EIF2B5: variants seen among roughly 807,000 people sequenced by gnomAD.
EIF2B5 encodes the protein eukaryotic translation initiation factor 2B subunit epsilon, also known as translation initiation factor eIF2B subunit epsilon.
Under a neutral mutation model 87.3 loss-of-function variants are expected in EIF2B5, and 38 were observed. The observed-to-expected ratio is 0.44, with a 90% CI of 0.34 to 0.57. EIF2B5 has a LOEUF of 0.57. EIF2B5 is among the 20% of genes least tolerant of loss of function. The probability of loss-of-function intolerance (pLI) is 0.02; values close to 1 mark genes in which losing one functional copy is unlikely to be tolerated. For synonymous variants in EIF2B5, 313 were observed against 339.6 expected (o/e 0.92, Z 0.86); for missense variants, 784 against 909.5 (o/e 0.86, Z 1.78).
chr3:184,135,665 A>G, intron 1 of EIF2B5, 85 bp downstream of exon 1: 5 of 1,518,400 alleles, frequency 3.3e-6, no homozygotes, highest in Admixed American at 2.0e-5. Context: ...CTACAACAGC[A>G]TGCCCTTGAA....
At chr3:184,143,263 A>G in intron 12 of EIF2B5, 121 bp downstream of exon 12, 1 of 1,455,034 alleles carries the variant, frequency 6.9e-7, no homozygotes, top group Non-Finnish European at 9.5e-7. Flanking sequence ...AAAGACCAGT[A>G]GTATTTGGAG....
Position 184,140,149 on chromosome 3 carries a change from A to T in EIF2B5, c.835A>T (p.Asn279Tyr). ...RDDFVRGLLVNEEILGNQIHM... is the reference protein window; with the variant it reads ...RDDFVRGLLVYEEILGNQIHM... ...TGACTTTGTGCGAGGTCTCTTAGTGAATGAGGAGGTGAGAAAAGTCTTCCA... is the reference window on the plus strand; with the variant it reads ...TGACTTTGTGCGAGGTCTCTTAGTGTATGAGGAGGTGAGAAAAGTCTTCCA... The change falls in exon 6 of 16, where the codon AAT becomes TAT. Residue 279 changes from asparagine to tyrosine, a missense_variant. This residue lies in a region of EIF2B5 where 660 missense variants were observed against 789.5 expected (regional missense o/e 0.84). Transcript: ENST00000648915. 6.2e-7 allele frequency: 1 copy of T among 1,613,858 alleles called. No homozygotes were observed. Among genetic ancestry groups the T allele is most frequent in the Non-Finnish European group, 8.5e-7 (1 of 1,179,796 alleles).
chr3:184,141,295 G>A (rs973258468), intron 7 of EIF2B5, among the ~76,000 whole-genome samples: 5 of 152,188 alleles, frequency 3.3e-5, no homozygotes, highest in South Asian at 2.1e-4. Context: ...GGGGCTGAGC[G>A]TGGTGGCTCA....
rs1184579792 is a variant in EIF2B5 at position 184,144,901 on chromosome 3, G to C, written c.2124G>C (p.Gln708His). Residue 708 changes from glutamine to histidine, a missense_variant, in exon 16 of 16, where the codon CAG becomes CAC. This residue lies in a region of EIF2B5 where 660 missense variants were observed against 789.5 expected (regional missense o/e 0.84). Transcript: ENST00000648915. ...CTTTACAGCTGCAGAGGTTCATCCA[G>C]TGGCTAAAAGAGGCAGAAGAGGAGT... is the stretch of plus-strand genomic sequence containing the variant. ...RKNQQLQRFI[Q>H]WLKEAEEESS... 1 of 1,613,766 alleles carries C rather than the reference G, an allele frequency of 6.2e-7. No individual in the cohort carries two copies. The highest frequency in any genetic ancestry group is 8.5e-7 in the Non-Finnish European group (1 of 1,180,010).
chr3:184,140,173 C>T lies in EIF2B5; in HGVS notation c.843+16C>T. The stretch of plus-strand genomic sequence containing the variant: ...GAATGAGGAGGTGAGAAAAGTCTTC[C>T]AATGCCTCTTTAGGAGAGAGGAGAA... On this transcript the variant is annotated intron_variant, in intron 6 of 15. Coordinates refer to ENST00000648915, the MANE Select transcript of EIF2B5 (RefSeq NM_003907.3). The T allele has an allele frequency of 6.2e-7, 1 of 1,607,382 alleles. No homozygotes were observed. The highest frequency in any genetic ancestry group is 1.7e-5 in the Admixed American group (1 of 59,994).
Position 184,144,141 on chromosome 3 carries a change from C to G in EIF2B5, c.1912C>G (p.Arg638Gly), listed in dbSNP as rs541227484. 1.3e-5 allele frequency: 21 copies of G among 1,614,198 alleles called. No individual in the cohort carries two copies. In the South Asian group the frequency reaches 2.1e-4, roughly 16 times the overall value. ...CCCTGTTTTTAGGAACTACATAAAG[C>G]GCGCAGCCGACCATTTGGAAGCGTT... is the stretch of plus-strand genomic sequence containing the variant. ...WSPVFRNYIK[R>G]AADHLEALAA... The change falls in exon 14 of 16, where the codon CGC becomes GGC. Residue 638 changes from arginine (R) to glycine (G), a missense_variant. By Grantham distance (125) the Arg-to-Gly change is moderately radical. Around this residue, in one of 3 missense-constraint regions of EIF2B5, gnomAD observed 660 missense variants for 789.5 expected, o/e 0.84. Coordinates refer to ENST00000648915, the MANE Select transcript of EIF2B5 (RefSeq NM_003907.3).
intron 5 of EIF2B5, among the ~76,000 whole-genome samples, chr3:184,139,580 CT>C (rs752302833): frequency 2.1e-3 from 295 of 140,410 alleles, no homozygotes; most frequent in Middle Eastern, 3.7e-3. Context: ...TGCACCTGGC[CT>C]TTTTTTTTTT....
At position 184,143,047 on chromosome 3, in the gene EIF2B5, T is replaced by C; in HGVS notation, c.1655-5T>C. ...CCCATGAACTTATCCTTGCTTTGATTTCAGTGTTCCAGAATGAAGTTTTAG... is the reference window on the plus strand; with the variant it reads ...CCCATGAACTTATCCTTGCTTTGATCTCAGTGTTCCAGAATGAAGTTTTAG... On this transcript the variant is annotated splice_region_variant and splice_polypyrimidine_tract_variant and intron_variant, in intron 11 of 15. Transcript: ENST00000648915. 1 of 1,613,048 alleles carries C rather than the reference T, an allele frequency of 6.2e-7. No homozygotes were observed. The highest frequency in any genetic ancestry group is 8.5e-7 in the Non-Finnish European group (1 of 1,179,574).
rs544661181 is a variant in EIF2B5 at position 184,140,316 on chromosome 3, A to T, written c.844-102A>T. ...GTACACAAAGAAGAATCTTTGTGGC[A>T]GTGAGAGGCAGAGGGGAACTTAAAA... On this transcript the variant is annotated intron_variant, in intron 6 of 15. Coordinates refer to ENST00000648915, the MANE Select transcript of EIF2B5 (RefSeq NM_003907.3). 2.1e-5 allele frequency: 30 copies of T among 1,428,742 alleles called. No individual in the cohort carries two copies. The African/African-American group carries it at 4.1e-4, about 19-fold the overall frequency. 88.5% of individuals were successfully genotyped at this position (1,428,742 alleles called of 1,614,324 possible).
chr3:184,138,470 C>T (rs984055170), intron 5 of EIF2B5, among the ~76,000 whole-genome samples: 6 of 151,996 alleles, frequency 3.9e-5, no homozygotes, highest in African/African-American at 1.4e-4. Flanking sequence ...GATTCTCCTG[C>T]CTCAGCCTCC....
chr3:184,142,034 A>G lies in EIF2B5; in HGVS notation c.1266A>G (p.Arg422=), dbSNP rs2109010236. ...LLCDNAEVKE[R]VTLKPRSVLT... ...GTGACAATGCTGAGGTCAAGGAACG[A>G]GTGACACTGAAACCACGCTCTGTCC... The change falls in exon 8 of 16, where the codon CGA becomes CGG. Residue 422 remains arginine (R), a synonymous_variant. Coordinates refer to ENST00000648915, the MANE Select transcript of EIF2B5 (RefSeq NM_003907.3). The surrounding 1 kb of genome is among the most constrained non-coding windows in gnomAD (Gnocchi z 5.0). 1.2e-6 allele frequency: 2 copies of G among 1,614,178 alleles called. No individual in the cohort carries two copies. Among genetic ancestry groups the G allele is most frequent in the South Asian group, 1.1e-5 (1 of 91,078 alleles).
intron 15 of EIF2B5, 62 bp downstream of exon 15, chr3:184,144,769 G>C (rs1450832911): frequency 6.3e-7 from 1 of 1,586,488 alleles, no homozygotes; most frequent in Non-Finnish European, 8.6e-7. Context: ...CTGGCCCCTA[G>C]ACTCTAGGGT....
In EIF2B5 at chr3:184,143,514, A is replaced by G; in HGVS notation, c.1818A>G (p.Gln606=). ...ACGTGGTCCTGGAGTTCCCCCTGCA[A>G]CAGATGGATTCCCCGCTTGACTCAA... ...LSHVVLEFPL[Q]QMDSPLDSSR... is the part of the protein sequence containing the mutation. The change falls in exon 13 of 16, where the codon CAA becomes CAG. Residue 606 remains glutamine, a synonymous_variant. Transcript: ENST00000648915. The G allele has an allele frequency of 1.9e-5, 31 of 1,614,158 alleles. No individual in the cohort carries two copies. Among genetic ancestry groups the G allele is most frequent in the Non-Finnish European group, 2.5e-5 (30 of 1,180,022 alleles).
Position 184,140,205 on chromosome 3 carries a change from G to C in EIF2B5, c.843+48G>C, listed in dbSNP as rs780083016. 3 of 1,562,906 alleles carry C rather than the reference G, an allele frequency of 1.9e-6. No individual in the cohort carries two copies. The South Asian group carries it at 3.3e-5, about 17-fold the overall frequency. On this transcript the variant is annotated intron_variant, in intron 6 of 15. Transcript: ENST00000648915. Reference sequence around the variant, plus strand: ...TCTTTAGGAGAGAGGAGAAGGCTATGATTGTATCTCATGCTGGTAACTTTT... The same window carrying C: ...TCTTTAGGAGAGAGGAGAAGGCTATCATTGTATCTCATGCTGGTAACTTTT...
In EIF2B5 at chr3:184,135,487, G is replaced by C. The variant is rs1189053044; in HGVS notation, c.102G>C (p.Gly34=). The change falls in exon 1 of 16, where the codon GGG becomes GGC. Residue 34 remains glycine (G), a synonymous_variant. Coordinates refer to ENST00000648915, the MANE Select transcript of EIF2B5 (RefSeq NM_003907.3). The part of the protein sequence containing the change: ...PGGSGGGGAR[G]AEEEPPPPLQ... ...GCAGCGGTGGCGGGGGAGCCAGAGG[G>C]GCGGAGGAGGAACCGCCGCCGCCCC... is the stretch of plus-strand genomic sequence containing the variant. 1.3e-6 allele frequency: 2 copies of C among 1,580,498 alleles called. No homozygotes were observed. The highest frequency in any genetic ancestry group is 3.7e-5 in the Admixed American group (2 of 54,208).
Position 184,137,921 on chromosome 3 carries a change from A to G in EIF2B5, c.530A>G (p.Asn177Ser). 6.2e-7 allele frequency: 1 copy of G among 1,614,174 alleles called. No homozygotes were observed. Among genetic ancestry groups the G allele is most frequent in the Non-Finnish European group, 8.5e-7 (1 of 1,180,038 alleles). The change falls in exon 4 of 16, where the codon AAT becomes AGT. Residue 177 changes from asparagine to serine, a missense_variant. Asn to Ser is a conservative substitution (Grantham distance 46). Transcript: ENST00000648915. The stretch of plus-strand genomic sequence containing the variant: ...AGGTTGAGACGGAAGCTAGAAAAAA[A>G]TGTTTCTGTGATGACGATGATCTTC... ...EHRLRRKLEK[N>S]VSVMTMIFKE...
rs762094442 is a variant in EIF2B5 at position 184,138,195 on chromosome 3, G to A, written c.714G>A (p.Val238=). The A allele has an allele frequency of 1.9e-6, 3 of 1,613,980 alleles. No individual in the cohort carries two copies. Among genetic ancestry groups the A allele is most frequent in the Admixed American group, 3.3e-5 (2 of 60,002 alleles). Reference sequence around the variant, plus strand: ...TGTTTCAGGGCAGTAGTGATGGAGTGGAGGTTCGATATGATTTACTGGATT... The same window carrying A: ...TGTTTCAGGGCAGTAGTGATGGAGTAGAGGTTCGATATGATTTACTGGATT... ...LSLFQGSSDG[V]EVRYDLLDCH... The change falls in exon 5 of 16, where the codon GTG becomes GTA. Residue 238 remains valine (V), a synonymous_variant. Transcript: ENST00000648915.
Position 184,140,681 on chromosome 3 carries a change from C to T in EIF2B5, c.1107C>T (p.Gly369=), listed in dbSNP as rs1218307883. Reference sequence around the variant, plus strand: ...TCCTGGGCTCTGGCACTGTCATTGGCAGCAATTGCTTTATCACCAACAGTG... The same window carrying T: ...TCCTGGGCTCTGGCACTGTCATTGGTAGCAATTGCTTTATCACCAACAGTG... ...NVLLGSGTVI[G]SNCFITNSVI... The change falls in exon 7 of 16, where the codon GGC becomes GGT. Residue 369 remains glycine (G), a synonymous_variant. Coordinates refer to ENST00000648915, the MANE Select transcript of EIF2B5 (RefSeq NM_003907.3). 7 of 1,614,032 alleles carry T rather than the reference C, an allele frequency of 4.3e-6. No individual in the cohort carries two copies. Among genetic ancestry groups the T allele is most frequent in the Non-Finnish European group, 2.5e-6 (3 of 1,180,040 alleles).
At chr3:184,140,286 G>C (rs1034394171) in intron 6 of EIF2B5, 129 bp downstream of exon 6, 5 of 1,390,372 alleles carry the variant, frequency 3.6e-6, no homozygotes, top group Admixed American at 3.5e-5. Context: ...GGGACAGGAG[G>C]AACAGTACAC....
Sources: gnomAD v4.1 joint callset for allele counts (sites outside exome capture counted in the v4.1 genomes callset) on GRCh38, gnomAD v4.1.1 for gene constraint, gnomAD v4.1.1 regional missense constraint, Gnocchi (gnomAD v3.1) non-coding constraint, MANE v1.5 for transcripts, NCBI Gene and HGNC (gene_info 2026-07-23, HGNC 2026-07-21) for gene names.